The following MLPH variants were observed in gnomAD, a reference collection of about 807,000 sequenced individuals.
MLPH encodes melanophilin, also known as exophilin-3.
A neutral mutation model predicts 72.1 loss-of-function variants in MLPH; 51 were observed. The observed-to-expected ratio is 0.71, with a 90% confidence interval of 0.56 to 0.89. The LOEUF is 0.89. Among genes scored for constraint, MLPH ranks in the 40% least tolerant of loss-of-function variants. The pLI, the probability that MLPH is intolerant of heterozygous loss-of-function variation, is 0.00. For synonymous variants in MLPH, 301 were observed against 310.1 expected (o/e 0.97, Z 0.31); for missense variants, 743 against 759.9 (o/e 0.98, Z 0.26).
chr2:237,525,282 G>A (rs927864125), intron 6 of MLPH, among the ~76,000 whole-genome samples: 28 of 152,304 alleles, frequency 1.8e-4, no homozygotes, highest in Middle Eastern at 6.8e-3. Flanking sequence ...CTCTGGGTGA[G>A]TCTGAGCCCC....
chr2:237,502,183 A>G (rs1433835455), intron 2 of MLPH, among the ~76,000 whole-genome samples: 1 of 152,238 alleles, frequency 6.6e-6, no homozygotes, highest in African/African-American at 2.4e-5. Flanking sequence ...AGATTCATTC[A>G]TATCACTTGG....
chr2:237,514,846 G>A (rs1182982962), intron 4 of MLPH, among the ~76,000 whole-genome samples: 1 of 152,152 alleles, frequency 6.6e-6, no homozygotes, highest in East Asian at 1.9e-4. Context: ...GAGGCCCTCT[G>A]AGCCCAGGCA....
rs763547496 is a variant in MLPH at position 237,527,530 on chromosome 2, G to T, written c.1020+14G>T. 1 of 1,614,092 alleles carries T rather than the reference G, an allele frequency of 6.2e-7. No homozygotes were observed. Among genetic ancestry groups the T allele is most frequent in the East Asian group, 2.2e-5 (1 of 44,892 alleles). On this transcript the variant is annotated intron_variant, in intron 8 of 15. Coordinates refer to ENST00000264605, the MANE Select transcript of MLPH (RefSeq NM_024101.7). Reference sequence around the variant, plus strand: ...TCTGAGAGTCAGGTAACGGTGGCTGGAAAGACTTCTGTCTTGTCGTTTCTT... The same window carrying T: ...TCTGAGAGTCAGGTAACGGTGGCTGTAAAGACTTCTGTCTTGTCGTTTCTT...
At chr2:237,509,435 G>C (rs2079844183) in intron 2 of MLPH, among the ~76,000 whole-genome samples, 2 of 152,208 alleles carry the variant, frequency 1.3e-5, no homozygotes, top group Admixed American at 1.3e-4. Flanking sequence ...TCCAGCGAAG[G>C]GGTGGCCTCC....
rs1043798594 is a variant in MLPH at position 237,505,483 on chromosome 2, C to G, written c.111-5091C>G. ...GGACCCCTCATGCAGGCTCTTCCCC[C>G]GCCTGTGTGCTGGACCTTGGGGATG... On this transcript the variant is annotated intron_variant, in intron 2 of 15. Transcript: ENST00000264605. This position sits in a 1 kb window ranked among gnomAD's most constrained non-coding sequence, Gnocchi z 4.5. Among the ~76,000 whole-genome samples the G allele has an allele frequency of 1.3e-5, 2 of 152,198 alleles. No homozygotes were observed. Among genetic ancestry groups the G allele is most frequent in the East Asian group, 1.9e-4 (1 of 5,196 alleles).
chr2:237,521,460 C>A (rs188114847), intron 6 of MLPH, among the ~76,000 whole-genome samples: 2 of 152,212 alleles, frequency 1.3e-5, no homozygotes, highest in Non-Finnish European at 2.9e-5. Flanking sequence ...GGATGATGGA[C>A]CCTGAACCTA....
At position 237,519,972 on chromosome 2, in the gene MLPH, G is replaced by A. The variant is rs758252295; in HGVS notation, c.618G>A (p.Gln206=). ...AGGGAGACTCAGATGACTCCACTCAGCCTCAAGGTCACTCCCTGCACCTGT... is the reference window on the plus strand; with the variant it reads ...AGGGAGACTCAGATGACTCCACTCAACCTCAAGGTCACTCCCTGCACCTGT... ...DFEGDSDDST[Q]PQGHSLHLSS... The change falls in exon 6 of 16, where the codon CAG becomes CAA. Residue 206 remains glutamine, a synonymous_variant. Coordinates refer to ENST00000264605, the MANE Select transcript of MLPH (RefSeq NM_024101.7). 4 of 1,614,048 alleles carry A rather than the reference G, an allele frequency of 2.5e-6. No individual in the cohort carries two copies. The East Asian group carries it at 8.9e-5, about 36-fold the overall frequency.
In MLPH at chr2:237,553,645, G is replaced by T; in HGVS notation, c.*53G>T. 1 of 1,613,428 alleles carries T rather than the reference G, an allele frequency of 6.2e-7. No individual in the cohort carries two copies. Among genetic ancestry groups the T allele is most frequent in the Non-Finnish European group, 8.5e-7 (1 of 1,179,310 alleles). On this transcript the variant is annotated 3_prime_UTR_variant, in exon 16 of 16. Coordinates refer to ENST00000264605, the MANE Select transcript of MLPH (RefSeq NM_024101.7). ...CCTGCACTGTTTTCCCTCCACCACA[G>T]CCATCCTGTCCCTCATTGGCTCTGT...
chr2:237,546,253 T>A (rs1471684274), intron 12 of MLPH, among the ~76,000 whole-genome samples: 2 of 152,240 alleles, frequency 1.3e-5, no homozygotes, highest in Non-Finnish European at 2.9e-5. Flanking sequence ...CAATCAGCTA[T>A]GCAGGTGAGC....
intron 2 of MLPH, among the ~76,000 whole-genome samples, chr2:237,506,118 T>C (rs2106487407): frequency 6.6e-6 from 1 of 152,350 alleles, no homozygotes; most frequent in South Asian, 2.1e-4. Flanking sequence ...CCCTTCACAT[T>C]TCCTAAATTA....
At chr2:237,506,893 T>C (rs2079783913) in intron 2 of MLPH, among the ~76,000 whole-genome samples, 1 of 152,162 alleles carries the variant, frequency 6.6e-6, no homozygotes, top group Non-Finnish European at 1.5e-5. Flanking sequence ...GGTCGTAACA[T>C]GTTTTCTAGG....
chr2:237,508,380 G>A (rs2079821030), intron 2 of MLPH, among the ~76,000 whole-genome samples: 1 of 152,124 alleles, frequency 6.6e-6, no homozygotes, highest in African/African-American at 2.4e-5. Context: ...CCAAAGTGAT[G>A]GGATTACAGG....
At chr2:237,553,135 A>T (rs1383485258) in intron 15 of MLPH, 1 of 473,516 alleles carries the variant, frequency 2.1e-6, no homozygotes, top group Middle Eastern at 3.5e-4. Flanking sequence ...CAGTCGCAGG[A>T]GGCAACCAAT....
intron 2 of MLPH, among the ~76,000 whole-genome samples, chr2:237,503,942 T>G (rs2079707188): frequency 1.3e-5 from 2 of 152,152 alleles, no homozygotes; most frequent in African/African-American, 4.8e-5. Flanking sequence ...TGGGAGATGA[T>G]CCCGGGTTCC....
At chr2:237,496,992 G>A (rs2079549290) in intron 2 of MLPH, among the ~76,000 whole-genome samples, 1 of 152,154 alleles carries the variant, frequency 6.6e-6, no homozygotes, top group Non-Finnish European at 1.5e-5. Flanking sequence ...TTTCATAGAA[G>A]ACAATTTTTC....
At chr2:237,551,183 T>A (rs1485383277) in intron 14 of MLPH, among the ~76,000 whole-genome samples, 1 of 152,236 alleles carries the variant, frequency 6.6e-6, no homozygotes, top group Non-Finnish European at 1.5e-5. Context: ...TCATGCGACT[T>A]CACTGCTCAG....
intron 2 of MLPH, among the ~76,000 whole-genome samples, chr2:237,507,605 G>A (rs1452958798): frequency 2.0e-5 from 3 of 152,138 alleles, no homozygotes; most frequent in African/African-American, 7.2e-5. Flanking sequence ...AACCACTTCT[G>A]TTACTCTCAC....
chr2:237,510,281 G>A lies in MLPH; in HGVS notation c.111-293G>A. The A allele has an allele frequency of 2.2e-6, 1 of 453,336 alleles. No homozygotes were observed. Among genetic ancestry groups the A allele is most frequent in the East Asian group, 4.5e-5 (1 of 22,384 alleles). 28.1% of individuals were successfully genotyped at this position (453,336 alleles called of 1,614,324 possible). ...GCGCAGTGACCTGCCAACCAAAATT[G>A]GTACAATTGTAAACAGCCACAGAAA... On this transcript the variant is annotated intron_variant, in intron 2 of 15. Transcript: ENST00000264605. The surrounding 1 kb of genome is among the most constrained non-coding windows in gnomAD (Gnocchi z 4.4).
intron 4 of MLPH, 195 bp from the exon 5 acceptor site, chr2:237,518,344 T>C (rs1367432512): frequency 4.4e-6 from 3 of 676,814 alleles, no homozygotes; most frequent in Admixed American, 2.1e-5. Context: ...GATTGATAAA[T>C]AGGGGGATGG....
Sources: allele counts gnomAD v4.1 joint callset (sites outside exome capture counted in the v4.1 genomes callset), GRCh38; gene constraint gnomAD v4.1.1; non-coding constraint Gnocchi (gnomAD v3.1); transcripts MANE v1.5; gene names NCBI Gene and HGNC (gene_info 2026-07-23, HGNC 2026-07-21).